The following SPATA13 variants were observed in gnomAD, a reference collection of about 807,000 sequenced individuals.
The protein encoded by SPATA13 is spermatogenesis-associated protein 13.
A neutral mutation model predicts 104.0 loss-of-function variants in SPATA13; 50 were observed. The observed-to-expected ratio is 0.48, with a 90% CI of 0.38 to 0.61. SPATA13 has a LOEUF of 0.61. Ranked by LOEUF, SPATA13 falls within the 20% of genes least tolerant of loss-of-function variation. SPATA13 has a pLI of 0.00. For synonymous variants in SPATA13, 606 were observed against 667.5 expected (o/e 0.91, Z 1.42); for missense variants, 1,524 against 1,690.6 (o/e 0.90, Z 1.73).
chr13:24,228,271 G>T (rs534205459), intron 2 of SPATA13, among the ~76,000 whole-genome samples: 2 of 152,060 alleles, frequency 1.3e-5, no homozygotes, highest in South Asian at 4.2e-4. Flanking sequence ...CTGCCACCAT[G>T]CCCGGCTCAT....
At chr13:24,269,433 T>C (rs1352151180) in intron 4 of SPATA13, among the ~76,000 whole-genome samples, 1 of 152,188 alleles carries the variant, frequency 6.6e-6, no homozygotes, top group Non-Finnish European at 1.5e-5. Context: ...GATCTAGCTC[T>C]GTAACTCACA....
At chr13:24,067,229 C>G (rs914408416) in intron 3 of SPATA13, among the ~76,000 whole-genome samples, 1 of 152,144 alleles carries the variant, frequency 6.6e-6, no homozygotes, top group African/African-American at 2.4e-5. Flanking sequence ...GATTGGAACT[C>G]CACTCAGTTA....
At chr13:24,147,021 A>G (rs1319016695) in intron 3 of SPATA13, among the ~76,000 whole-genome samples, 1 of 152,180 alleles carries the variant, frequency 6.6e-6, no homozygotes, top group African/African-American at 2.4e-5. Flanking sequence ...CAATAAATTC[A>G]TTGCCCAATA....
intron 3 of SPATA13, among the ~76,000 whole-genome samples, chr13:24,130,567 C>T (rs1054718437): frequency 4.6e-5 from 7 of 152,188 alleles, no homozygotes; most frequent in Admixed American, 1.3e-4. Context: ...GGGAACAAGG[C>T]GTTTATCAGA....
At chr13:24,288,352 C>T (rs577441254) in intron 7 of SPATA13, among the ~76,000 whole-genome samples, 1 of 152,350 alleles carries the variant, frequency 6.6e-6, no homozygotes, top group South Asian at 2.1e-4. Flanking sequence ...ATGTGTTTTA[C>T]TCCATGGTCA....
chr13:23,980,646 G>A (rs1874842573), intron 1 of SPATA13, among the ~76,000 whole-genome samples: 1 of 152,152 alleles, frequency 6.6e-6, no homozygotes, highest in Non-Finnish European at 1.5e-5. Context: ...AGGTTGGAGG[G>A]CAGTGGCGGA....
intron 4 of SPATA13, among the ~76,000 whole-genome samples, chr13:24,254,619 G>T (rs893305304): frequency 6.6e-6 from 1 of 152,190 alleles, no homozygotes; most frequent in Non-Finnish European, 1.5e-5. Context: ...CCCAGCATAA[G>T]TGGCCCTTCC....
intron 3 of SPATA13, among the ~76,000 whole-genome samples, chr13:24,040,863 C>T (rs890171921): frequency 6.6e-6 from 1 of 152,088 alleles, no homozygotes; most frequent in Non-Finnish European, 1.5e-5. Context: ...TGTGGTTGGC[C>T]CAACACAAGC....
chr13:24,258,689 G>T (rs1411864607), intron 4 of SPATA13, among the ~76,000 whole-genome samples: 2 of 152,044 alleles, frequency 1.3e-5, no homozygotes, highest in East Asian at 3.9e-4. Flanking sequence ...AAGAGAGACT[G>T]AAAAGTTAGA....
chr13:24,249,418 G>C (rs948689309), intron 2 of SPATA13, 59 bp from the exon 3 acceptor site: 2 of 1,453,576 alleles, frequency 1.4e-6, no homozygotes, highest in Non-Finnish European at 9.1e-7. Flanking sequence ...TGTATGGCTT[G>C]TTCTTTCTTT....
At chr13:24,267,991 A>T (rs1357708812) in intron 4 of SPATA13, among the ~76,000 whole-genome samples, 2 of 152,222 alleles carry the variant, frequency 1.3e-5, no homozygotes, top group African/African-American at 4.8e-5. Flanking sequence ...AGGAATCTGA[A>T]TTTCTCACCA....
intron 3 of SPATA13, among the ~76,000 whole-genome samples, chr13:24,114,358 T>TGTGCCTGCATGTGTGCACATGCGC (rs1880756504): frequency 6.7e-6 from 1 of 148,710 alleles, no homozygotes; most frequent in Non-Finnish European, 1.5e-5. Flanking sequence ...AGTGTGCACG[T>TGTGCCTGCATGTGTGCACATGCGC]GTGTGCCTGC....
At chr13:24,163,980 A>G (rs1018036921) in intron 1 of SPATA13, among the ~76,000 whole-genome samples, 1 of 152,228 alleles carries the variant, frequency 6.6e-6, no homozygotes, top group African/African-American at 2.4e-5. Context: ...GAGACATGTA[A>G]TAGCATAAAT....
intron 3 of SPATA13, among the ~76,000 whole-genome samples, chr13:24,047,582 C>A (rs76545894): frequency 7.2e-5 from 11 of 152,326 alleles, no homozygotes; most frequent in Admixed American, 7.2e-4. Context: ...TTTGCAAAGG[C>A]AGTTTCATCA....
At chr13:24,165,254 T>A (rs1417859196) in intron 1 of SPATA13, among the ~76,000 whole-genome samples, 1 of 152,110 alleles carries the variant, frequency 6.6e-6, no homozygotes, top group African/African-American at 2.4e-5. Flanking sequence ...ACTTGAGGGA[T>A]TCTGTGCCTG....
chr13:24,003,500 T>G (rs1055361807), intron 2 of SPATA13, among the ~76,000 whole-genome samples: 3 of 152,212 alleles, frequency 2.0e-5, no homozygotes, highest in Non-Finnish European at 4.4e-5. Context: ...AATTTTTTCT[T>G]TGGAAGCATG....
At position 24,193,429 on chromosome 13, in the gene SPATA13, C is replaced by T. The variant is rs376488888; in HGVS notation, c.-111-29390C>T. ...GGGGCCTGGTGAGCAGATGCCTCAG[C>T]GTGGTTGAATCTGAGTGTGAGGAGT... On this transcript the variant is annotated intron_variant, in intron 1 of 12. Coordinates refer to ENST00000382108, the MANE Select transcript of SPATA13 (RefSeq NM_001166271.3). 2.0e-4 allele frequency among the ~76,000 whole-genome samples: 30 copies of T among 152,250 alleles called. 1 individual carries two copies. In the East Asian group the frequency reaches 5.0e-3, roughly 25 times the overall value.
chr13:24,055,223 T>G (rs1475507857), intron 3 of SPATA13, among the ~76,000 whole-genome samples: 1 of 152,188 alleles, frequency 6.6e-6, no homozygotes, highest in Non-Finnish European at 1.5e-5. Context: ...AGTTTCTATC[T>G]TGTTGTTGTT....
intron 3 of SPATA13, among the ~76,000 whole-genome samples, chr13:24,079,288 G>T (rs993142737): frequency 1.3e-5 from 2 of 152,198 alleles, no homozygotes; most frequent in African/African-American, 4.8e-5. Context: ...CCGCTACGGT[G>T]CAGTTTTATT....
Sources: gnomAD v4.1 joint callset for allele counts (sites outside exome capture counted in the v4.1 genomes callset) on GRCh38, gnomAD v4.1.1 for gene constraint, MANE v1.5 for transcripts, NCBI Gene and HGNC (gene_info 2026-07-23, HGNC 2026-07-21) for gene names.